Variants in FHIT observed in about 807,000 individuals in gnomAD.
FHIT encodes the protein fragile histidine triad diadenosine triphosphatase.
Under a neutral mutation model 17.9 loss-of-function variants are expected in FHIT, and 19 were observed. The ratio of observed to expected loss-of-function variants is 1.06; its 90% CI spans 0.74 to 1.56. The LOEUF (loss-of-function observed/expected upper bound fraction) is 1.56. Among genes scored for constraint, FHIT ranks in the 40% most tolerant of loss-of-function variants. The probability of loss-of-function intolerance (pLI) is 0.00; values close to 1 mark genes in which losing one functional copy is unlikely to be tolerated. For synonymous variants in FHIT, 81 were observed against 69.7 expected (o/e 1.16, Z -0.81); for missense variants, 248 against 189.2 (o/e 1.31, Z -1.82).
intron 5 of FHIT, among the ~76,000 whole-genome samples, chr3:60,111,404 A>G (rs1030010200): frequency 6.6e-5 from 10 of 152,314 alleles, no homozygotes; most frequent in African/African-American, 1.9e-4. Flanking sequence ...AATAACAACA[A>G]AAGTTGGTAG....
intron 5 of FHIT, among the ~76,000 whole-genome samples, chr3:60,437,900 A>G (rs542229547): frequency 3.3e-5 from 5 of 152,130 alleles, no homozygotes; most frequent in Non-Finnish European, 7.4e-5. Flanking sequence ...GAATTAATAG[A>G]TATCTACACA....
At chr3:60,402,090 C>G (rs182222267) in intron 5 of FHIT, among the ~76,000 whole-genome samples, 96 of 152,266 alleles carry the variant, frequency 6.3e-4, no homozygotes, top group Admixed American at 5.3e-3. Context: ...CCATCCCTGC[C>G]AGCTCCTCCT....
chr3:60,907,528 G>C (rs562662850), intron 3 of FHIT, among the ~76,000 whole-genome samples: 2 of 152,288 alleles, frequency 1.3e-5, no homozygotes, highest in Admixed American at 1.3e-4. Context: ...GGAAACATTT[G>C]AATATATTAG....
At chr3:60,635,923 T>G (rs2107781999) in intron 4 of FHIT, among the ~76,000 whole-genome samples, 2 of 152,256 alleles carry the variant, frequency 1.3e-5, no homozygotes, top group Non-Finnish European at 2.9e-5. Flanking sequence ...TATTATTAGC[T>G]CAAAGGGTCA....
chr3:61,166,606 C>T (rs1378506214), intron 2 of FHIT, among the ~76,000 whole-genome samples: 1 of 152,228 alleles, frequency 6.6e-6, no homozygotes, highest in African/African-American at 2.4e-5. Flanking sequence ...TTAATACACA[C>T]AGTTCAAGAT....
At position 60,035,982 on chromosome 3, in the gene FHIT, A is replaced by C. The variant is rs1214703991; in HGVS notation, c.104-21830T>G. On this transcript the variant is annotated intron_variant, in intron 5 of 9. Coordinates refer to ENST00000492590, the MANE Select transcript of FHIT (RefSeq NM_002012.4). ...CAGATCAGCTCTGCCCATCTCTGGCACTCTGATATCCAGGCTAAGAGAGCA... is the reference window on the plus strand; with the variant it reads ...CAGATCAGCTCTGCCCATCTCTGGCCCTCTGATATCCAGGCTAAGAGAGCA... 2.0e-5 allele frequency among the ~76,000 whole-genome samples: 3 copies of C among 152,172 alleles called. No homozygotes were observed. In the South Asian group the frequency reaches 6.2e-4, roughly 31 times the overall value.
intron 7 of FHIT, among the ~76,000 whole-genome samples, chr3:59,996,398 A>T (rs760224900): frequency 6.6e-6 from 1 of 152,104 alleles, no homozygotes; most frequent in African/African-American, 2.4e-5. Flanking sequence ...TTTAGTTGGA[A>T]GATAACAAGT....
intron 5 of FHIT, among the ~76,000 whole-genome samples, chr3:60,247,997 A>G (rs1705492823): frequency 6.6e-6 from 1 of 152,172 alleles, no homozygotes; most frequent in African/African-American, 2.4e-5. Flanking sequence ...GACACCTTCA[A>G]AAATGAATAT....
intron 5 of FHIT, among the ~76,000 whole-genome samples, chr3:60,039,534 C>T (rs1000569807): frequency 2.6e-5 from 4 of 152,148 alleles, no homozygotes; most frequent in Non-Finnish European, 5.9e-5. Context: ...ATCAAAACAG[C>T]ACCTAATTAA....
intron 7 of FHIT, among the ~76,000 whole-genome samples, chr3:59,956,863 T>C (rs966165931): frequency 6.6e-6 from 1 of 152,210 alleles, no homozygotes; most frequent in Non-Finnish European, 1.5e-5. Flanking sequence ...TATCATCCTT[T>C]AGTTCTCATC....
intron 5 of FHIT, among the ~76,000 whole-genome samples, chr3:60,107,163 TTTTTTTTTTG>T (rs1704457722): frequency 8.2e-6 from 1 of 121,856 alleles, no homozygotes; most frequent in Non-Finnish European, 1.9e-5. Flanking sequence ...TTTTTTTTTT[TTTTTTTTTTG>T]TACACAAAGG....
chr3:60,370,734 C>T (rs896349348), intron 5 of FHIT, among the ~76,000 whole-genome samples: 1 of 152,156 alleles, frequency 6.6e-6, no homozygotes, highest in Non-Finnish European at 1.5e-5. Flanking sequence ...TGCTCTAATG[C>T]AATTTTTTAA....
chr3:60,392,636 A>G (rs1280455030), intron 5 of FHIT, among the ~76,000 whole-genome samples: 1 of 152,170 alleles, frequency 6.6e-6, no homozygotes, highest in Non-Finnish European at 1.5e-5. Flanking sequence ...AGCTGCAGAC[A>G]AGAGCTTTCT....
chr3:60,813,284 C>T (rs1005959936), intron 4 of FHIT, among the ~76,000 whole-genome samples: 1 of 151,632 alleles, frequency 6.6e-6, no homozygotes, highest in South Asian at 2.1e-4. Context: ...ACTTCCAGAA[C>T]CATGAACCAA....
chr3:61,114,754 C>T (rs2036252760), intron 2 of FHIT, among the ~76,000 whole-genome samples: 1 of 152,182 alleles, frequency 6.6e-6, no homozygotes, highest in African/African-American at 2.4e-5. Context: ...GTCCCTCCCT[C>T]TCTCAAGGAC....
chr3:60,847,916 C>T (rs1702989819), intron 3 of FHIT, among the ~76,000 whole-genome samples: 1 of 152,120 alleles, frequency 6.6e-6, no homozygotes, highest in African/African-American at 2.4e-5. Flanking sequence ...ACAATTTTAT[C>T]CTTGACATAT....
chr3:59,816,557 C>T (rs888052348), intron 8 of FHIT, among the ~76,000 whole-genome samples: 1 of 151,984 alleles, frequency 6.6e-6, no homozygotes, highest in African/African-American at 2.4e-5. Context: ...TCTGGGATGA[C>T]CTAAGTGCAT....
chr3:60,282,630 A>G lies in FHIT; in HGVS notation c.103+254230T>C, dbSNP rs187163290. Among the ~76,000 whole-genome samples the G allele has an allele frequency of 6.9e-3, 1,053 of 152,224 alleles. 10 individuals are homozygous for G. Among genetic ancestry groups the G allele is most frequent in the African/African-American group, 0.024 (991 of 41,546 alleles). On this transcript the variant is annotated intron_variant, in intron 5 of 9. Transcript: ENST00000492590. The stretch of plus-strand genomic sequence containing the variant: ...ACTTCAGTAATAAATGTGCCACACT[A>G]ATGCAAGGTATTAATAGTAGGAGAC...
chr3:59,766,959 T>C (rs546585349), intron 8 of FHIT, among the ~76,000 whole-genome samples: 1 of 152,324 alleles, frequency 6.6e-6, no homozygotes, highest in South Asian at 2.1e-4. Context: ...AGTTCCTAAT[T>C]GGTTATCAGA....
Sources: gnomAD v4.1 joint callset for allele counts (sites outside exome capture counted in the v4.1 genomes callset) on GRCh38, gnomAD v4.1.1 for gene constraint, MANE v1.5 for transcripts, NCBI Gene and HGNC (gene_info 2026-07-23, HGNC 2026-07-21) for gene names.